Variants in RAD51B observed in about 807,000 individuals in gnomAD.
The protein encoded by RAD51B is RAD51 paralog B, also known as DNA repair protein RAD51 homolog 2.
Under a neutral mutation model 42.2 loss-of-function variants are expected in RAD51B, and 38 were observed. The ratio of observed to expected loss-of-function variants is 0.90; its 90% confidence interval spans 0.70 to 1.18. The LOEUF (loss-of-function observed/expected upper bound fraction) is 1.18, where lower values mean the gene tolerates loss of function less well. Among genes scored for constraint, RAD51B ranks in the 50% most tolerant of loss-of-function variants. The pLI is 0.00. For missense variants in RAD51B, 373 were observed against 400.7 expected, an observed-to-expected ratio of 0.93 and a Z score of 0.59; for synonymous variants, 154 against 145.2, an observed-to-expected ratio of 1.06 and a Z score of -0.43.
chr14:68,514,545 G>A (rs886630586), intron 10 of RAD51B, among the ~76,000 whole-genome samples: 2 of 152,186 alleles, frequency 1.3e-5, no homozygotes, highest in African/African-American at 4.8e-5. Flanking sequence ...AGTTCCTCCT[G>A]TGGGCGCGGC....
chr14:68,302,151 A>G (rs545559824), intron 8 of RAD51B, among the ~76,000 whole-genome samples: 1 of 152,342 alleles, frequency 6.6e-6, no homozygotes, highest in African/African-American at 2.4e-5. Context: ...GTGATACACT[A>G]TAATGATATT....
intron 10 of RAD51B, among the ~76,000 whole-genome samples, chr14:68,549,895 G>A (rs184671444): frequency 3.9e-5 from 6 of 152,264 alleles, no homozygotes; most frequent in East Asian, 1.9e-4. Context: ...TTAAAACTTC[G>A]GTCAGCTCTG....
intron 7 of RAD51B, among the ~76,000 whole-genome samples, chr14:68,181,436 A>G (rs2079059295): frequency 1.3e-5 from 2 of 152,218 alleles, no homozygotes; most frequent in Non-Finnish European, 2.9e-5. Flanking sequence ...AGGAACTTTC[A>G]TCCCAAAGGG....
At chr14:68,025,610 T>C (rs1221930425) in intron 7 of RAD51B, among the ~76,000 whole-genome samples, 1 of 151,734 alleles carries the variant, frequency 6.6e-6, no homozygotes, top group East Asian at 1.9e-4. Flanking sequence ...TGGGAGACTG[T>C]GTGTTTCCAG....
intron 9 of RAD51B, among the ~76,000 whole-genome samples, chr14:68,424,954 A>G (rs2084797710): frequency 6.6e-6 from 1 of 151,850 alleles, no homozygotes; most frequent in Non-Finnish European, 1.5e-5. Flanking sequence ...TTAAAATTTT[A>G]TGTAGAGATG....
intron 7 of RAD51B, among the ~76,000 whole-genome samples, chr14:68,071,413 G>A (rs911580510): frequency 1.5e-4 from 23 of 152,168 alleles, no homozygotes; most frequent in African/African-American, 5.3e-4. Flanking sequence ...GTTGTAAATG[G>A]TGCTTCTTAT....
intron 10 of RAD51B, among the ~76,000 whole-genome samples, chr14:68,584,787 T>C (rs1257976699): frequency 6.6e-6 from 1 of 152,244 alleles, no homozygotes; most frequent in Non-Finnish European, 1.5e-5. Context: ...TAGTACTTTA[T>C]AACATATGGC....
chr14:67,978,985 C>T (rs1015692441), intron 7 of RAD51B, among the ~76,000 whole-genome samples: 2 of 152,208 alleles, frequency 1.3e-5, no homozygotes, highest in Non-Finnish European at 2.9e-5. Context: ...CTTCCCCCCA[C>T]CACCAGAACT....
At chr14:68,243,574 T>C (rs1358087560) in intron 7 of RAD51B, among the ~76,000 whole-genome samples, 2 of 152,242 alleles carry the variant, frequency 1.3e-5, no homozygotes, top group Non-Finnish European at 2.9e-5. Context: ...ATAGCTCTGC[T>C]GTGGGTATGG....
chr14:68,480,720 C>T (rs1283613008), downstream of RAD51B, among the ~76,000 whole-genome samples: 1 of 151,924 alleles, frequency 6.6e-6, no homozygotes, highest in Non-Finnish European at 1.5e-5. Context: ...TTAAGGTACT[C>T]GTTTGTTACT....
intron 8 of RAD51B, among the ~76,000 whole-genome samples, chr14:68,374,437 C>A (rs574076532): frequency 2.0e-5 from 3 of 152,264 alleles, no homozygotes; most frequent in Non-Finnish European, 2.9e-5. Flanking sequence ...AACTTTTGCT[C>A]TTCTCAGAGC....
In RAD51B at chr14:68,373,618, G is replaced by A. The variant is rs1410131669; in HGVS notation, c.854-37806G>A. Among the ~76,000 whole-genome samples, 8 of 152,204 alleles carry A rather than the reference G, an allele frequency of 5.3e-5. No individual in the cohort carries two copies. The East Asian group carries it at 1.4e-3, about 26-fold the overall frequency. On this transcript the variant is annotated intron_variant, in intron 8 of 10. Transcript: ENST00000471583. The stretch of plus-strand genomic sequence containing the variant: ...GAACTTCATACACCGGGGCCTGTTG[G>A]TGGGTGGGGGGCAAGGGCAAGGGGA...
At chr14:67,931,503 T>C (rs2044733810) in intron 7 of RAD51B, among the ~76,000 whole-genome samples, 1 of 145,726 alleles carries the variant, frequency 6.9e-6, no homozygotes, top group Non-Finnish European at 1.5e-5. Flanking sequence ...GGGATTTCTT[T>C]TTTTTTTTTT....
At chr14:68,235,443 G>A (rs1284978132) in intron 7 of RAD51B, among the ~76,000 whole-genome samples, 1 of 151,832 alleles carries the variant, frequency 6.6e-6, no homozygotes, top group African/African-American at 2.4e-5. Flanking sequence ...GGTGGCTCAC[G>A]CCTGTAATCC....
intron 7 of RAD51B, among the ~76,000 whole-genome samples, chr14:68,029,049 C>T (rs1244725030): frequency 6.6e-6 from 1 of 152,242 alleles, no homozygotes; most frequent in Non-Finnish European, 1.5e-5. Flanking sequence ...TGCAGTCCCA[C>T]AGTCTCTTCA....
At chr14:68,058,876 T>C (rs1370774640) in intron 7 of RAD51B, among the ~76,000 whole-genome samples, 2 of 152,182 alleles carry the variant, frequency 1.3e-5, no homozygotes, top group South Asian at 4.1e-4. Flanking sequence ...CAATAACACA[T>C]AGGCATATTC....
At chr14:68,588,393 C>T (rs1258939449) in intron 10 of RAD51B, among the ~76,000 whole-genome samples, 1 of 152,210 alleles carries the variant, frequency 6.6e-6, no homozygotes, top group Admixed American at 6.5e-5. Flanking sequence ...CGTCCTCTTG[C>T]TATTTCACTT....
intron 7 of RAD51B, among the ~76,000 whole-genome samples, chr14:68,240,032 A>G (rs1595592193): frequency 6.6e-6 from 1 of 152,200 alleles, no homozygotes; most frequent in Middle Eastern, 3.2e-3. Flanking sequence ...GAGCTGAGAG[A>G]CCTTCTCACT....
At chr14:68,326,494 G>A (rs2082255432) in intron 8 of RAD51B, among the ~76,000 whole-genome samples, 1 of 152,192 alleles carries the variant, frequency 6.6e-6, no homozygotes, top group Non-Finnish European at 1.5e-5. Flanking sequence ...AGGGGTTTGA[G>A]GAAAGTTGGG....
Sources: gnomAD v4.1 joint callset for allele counts (sites outside exome capture counted in the v4.1 genomes callset) on GRCh38, gnomAD v4.1.1 for gene constraint, MANE v1.5 for transcripts, NCBI Gene and HGNC (gene_info 2026-07-23, HGNC 2026-07-21) for gene names.